The following DDX6 variants were observed in gnomAD, a reference collection of about 807,000 sequenced individuals.
DDX6 encodes DEAD-box helicase 6.
In DDX6, 7 loss-of-function variants were observed where a neutral mutation model predicts 60.6. The observed-to-expected ratio is 0.12, with a 90% CI of 0.07 to 0.22. The LOEUF is 0.22. DDX6 is among the 10% of genes least tolerant of loss of function. The pLI is 1.00. For missense variants in DDX6, 270 were observed against 589.9 expected, an observed-to-expected ratio of 0.46 and a Z score of 5.62; for synonymous variants, 207 against 201.0, an observed-to-expected ratio of 1.03 and a Z score of -0.25.
intron 4 of DDX6, among the ~76,000 whole-genome samples, chr11:118,777,528 A>T (rs1180508927): frequency 2.6e-5 from 4 of 152,162 alleles, no homozygotes; most frequent in African/African-American, 4.8e-5. Flanking sequence ...AAAAAGAATC[A>T]AGGATCCTTG....
intron 7 of DDX6, among the ~76,000 whole-genome samples, chr11:118,760,519 A>C (rs1861127071): frequency 6.6e-6 from 1 of 152,186 alleles, no homozygotes; most frequent in Admixed American, 6.6e-5. Context: ...AGTATGGTGT[A>C]GTGTTTAAAA....
chr11:118,777,687 A>G (rs548167), intron 4 of DDX6, among the ~76,000 whole-genome samples: 131,223 of 152,056 alleles, frequency 0.86, 56,827 homozygotes, highest in East Asian at 1. Flanking sequence ...TCAGGAGTTC[A>G]AGACCAGCCT....
At chr11:118,774,838 T>A (rs1236242297) in intron 4 of DDX6, among the ~76,000 whole-genome samples, 1 of 151,852 alleles carries the variant, frequency 6.6e-6, no homozygotes, top group Non-Finnish European at 1.5e-5. Flanking sequence ...GGAAAAAAAA[T>A]GCCTGGATAA....
At chr11:118,754,587 T>C in intron 13 of DDX6, 118 bp downstream of exon 13, 1 of 815,774 alleles carries the variant, frequency 1.2e-6, no homozygotes. Flanking sequence ...TTTATGCTAG[T>C]GGGTATTTTA....
intron 6 of DDX6, among the ~76,000 whole-genome samples, chr11:118,764,728 T>C (rs1228647393): frequency 2.0e-5 from 3 of 150,566 alleles, no homozygotes; most frequent in Non-Finnish European, 3.0e-5. Context: ...GGCCTGAACC[T>C]GGGAGGCGGA....
chr11:118,784,331 T>C (rs1272888034), intron 2 of DDX6, among the ~76,000 whole-genome samples: 1 of 152,172 alleles, frequency 6.6e-6, no homozygotes, highest in Non-Finnish European at 1.5e-5. Context: ...GACAGTCTGG[T>C]AGCTTGTATA....
intron 8 of DDX6, chr11:118,759,422 C>T (rs1293864123): frequency 6.5e-6 from 1 of 153,828 alleles, no homozygotes; most frequent in Non-Finnish European, 1.4e-5. Flanking sequence ...GTTGAGTATT[C>T]CTTACCCAAA....
chr11:118,785,873 A>G lies in DDX6; in HGVS notation c.200+179T>C, dbSNP rs566606207. 2.3e-5 allele frequency: 12 copies of G among 530,146 alleles called. 1 individual carries two copies. In the South Asian group the frequency reaches 4.6e-4, roughly 20 times the overall value. 32.8% of individuals were successfully genotyped at this position (530,146 alleles called of 1,614,324 possible). ...CTCAGGATGACTACTTGCTGAACAAATTATGGCAGAAATATATTATTCTAT... is the reference window on the plus strand; with the variant it reads ...CTCAGGATGACTACTTGCTGAACAAGTTATGGCAGAAATATATTATTCTAT... On this transcript the variant is annotated intron_variant, in intron 2 of 13. Coordinates refer to ENST00000534980, the MANE Select transcript of DDX6 (RefSeq NM_004397.6).
At chr11:118,773,082 T>C (rs1343002385) in intron 4 of DDX6, among the ~76,000 whole-genome samples, 1 of 152,226 alleles carries the variant, frequency 6.6e-6, no homozygotes, top group African/African-American at 2.4e-5. Context: ...ATAAATTTCC[T>C]TTTGCTTAAG....
chr11:118,765,389 TG>T (rs781900356), intron 5 of DDX6, 34 bp from the exon 6 acceptor site: 1 of 1,607,362 alleles, frequency 6.2e-7, no homozygotes. Flanking sequence ...TAAGAAAATA[TG>T]GGGTGAGGTG....
chr11:118,760,152 A>G, intron 7 of DDX6, 108 bp from the exon 8 acceptor site: 1 of 1,055,644 alleles, frequency 9.5e-7, no homozygotes, highest in Non-Finnish European at 1.3e-6. Flanking sequence ...CATCCATGAA[A>G]TGTTCCTGGT....
At position 118,786,533 on chromosome 11, in the gene DDX6, CAAAAT is replaced by C; in HGVS notation, c.-267-20_-267-16del. The C allele has an allele frequency of 3.6e-6, 1 of 274,602 alleles. No homozygotes were observed. The highest frequency in any genetic ancestry group is 6.8e-6 in the Non-Finnish European group (1 of 146,978). 17.0% of individuals were successfully genotyped at this position (274,602 alleles called of 1,614,324 possible). ...CTCACGTCAATCTGAAACAAACAAA[CAAAAT>C]TAAATTAGCAAACACAACAGAAAAA... On this transcript the variant is annotated splice_polypyrimidine_tract_variant and intron_variant, in intron 1 of 13. Transcript: ENST00000534980.
chr11:118,774,840 C>T (rs1861646773), intron 4 of DDX6, among the ~76,000 whole-genome samples: 1 of 151,986 alleles, frequency 6.6e-6, no homozygotes, highest in Non-Finnish European at 1.5e-5. Flanking sequence ...AAAAAAAATG[C>T]CTGGATAAAA....
In DDX6 at chr11:118,768,363, T is replaced by A; in HGVS notation, c.370-11A>T. ...GGGAATGCTCTCCTCCTAAAAGAGA[T>A]AAGACAATACAAAATTACTTCTGAA... On this transcript the variant is annotated splice_polypyrimidine_tract_variant and intron_variant, in intron 4 of 13. Coordinates refer to ENST00000534980, the MANE Select transcript of DDX6 (RefSeq NM_004397.6). 1 of 1,611,188 alleles carries A rather than the reference T, an allele frequency of 6.2e-7. No homozygotes were observed. The highest frequency in any genetic ancestry group is 1.1e-5 in the South Asian group (1 of 90,936).
At chr11:118,771,655 C>T (rs76194682) in intron 4 of DDX6, among the ~76,000 whole-genome samples, 82 of 152,348 alleles carry the variant, frequency 5.4e-4, no homozygotes, top group African/African-American at 1.9e-3. Flanking sequence ...TTTTTTAAAA[C>T]TTACTATGTG....
Position 118,784,497 on chromosome 11 carries a change from TGCCCAG to T in DDX6, c.200+1549_200+1554del, listed in dbSNP as rs139806711. On this transcript the variant is annotated intron_variant, in intron 2 of 13. Coordinates refer to ENST00000534980, the MANE Select transcript of DDX6 (RefSeq NM_004397.6). Reference sequence around the variant, plus strand: ...TTTTTGAGATGGAGTATTTCTCTGTTGCCCAGGCTGGAGTGCAGTGACACGATCTTG... The same window carrying T: ...TTTTTGAGATGGAGTATTTCTCTGTTGCTGGAGTGCAGTGACACGATCTTG... 3.9e-5 allele frequency among the ~76,000 whole-genome samples: 6 copies of T among 152,064 alleles called. No individual in the cohort carries two copies. The East Asian group carries it at 1.2e-3, about 29-fold the overall frequency.
intron 7 of DDX6, 93 bp downstream of exon 7, chr11:118,763,119 T>TA (rs1751156267): frequency 1.2e-6 from 1 of 813,854 alleles, no homozygotes; most frequent in Non-Finnish European, 1.9e-6. Flanking sequence ...TATTAGATCA[T>TA]AAACACAAGC....
rs1379608899 is a variant in DDX6, at chr11:118,789,264, G to A, written c.-268+1834C>T. On this transcript the variant is annotated intron_variant, in intron 1 of 13. Transcript: ENST00000534980. The stretch of plus-strand genomic sequence containing the variant: ...CTAAATTTTTTCTATTTTTAGTAGA[G>A]ACGGGGTTTTGCCATGTTGGCCAGG... 4 of 151,792 alleles carry A rather than the reference G, an allele frequency of 2.6e-5. No homozygotes were observed. The South Asian group carries it at 8.3e-4, about 32-fold the overall frequency. The allele number at this position is 151,792 out of a possible 1,614,324, so 9.4% of individuals were successfully genotyped here. A position where few individuals can be genotyped will look rare whatever the true frequency, so the allele number is the denominator to read the frequency against.
chr11:118,769,627 AAAC>A (rs1361574757), intron 4 of DDX6, among the ~76,000 whole-genome samples: 14 of 152,298 alleles, frequency 9.2e-5, no homozygotes, highest in African/African-American at 2.2e-4. Context: ...AAAACAAAAC[AAAC>A]AACAACAACA....
Sources: gnomAD v4.1 joint callset for allele counts (sites outside exome capture counted in the v4.1 genomes callset) on GRCh38, gnomAD v4.1.1 for gene constraint, MANE v1.5 for transcripts, NCBI Gene and HGNC (gene_info 2026-07-23, HGNC 2026-07-21) for gene names.